The following BCL2L13 variants were observed in gnomAD, a reference collection of about 807,000 sequenced individuals.
The protein encoded by BCL2L13 is bcl-2-like protein 13.
A neutral mutation model predicts 25.8 loss-of-function variants in BCL2L13; 13 were observed. The observed-to-expected ratio is 0.50, with a 90% CI of 0.33 to 0.80. The LOEUF is 0.80. BCL2L13 is among the 30% of genes least tolerant of loss of function. BCL2L13 has a pLI of 0.02. For synonymous variants in BCL2L13, 244 were observed against 230.3 expected (o/e 1.06, Z -0.54); for missense variants, 504 against 574.9 (o/e 0.88, Z 1.26).
In BCL2L13 at chr22:17,730,435, TG is replaced by T. The variant is rs2061380597; in HGVS notation, c.*2903del. The T allele has an allele frequency of 6.6e-6, 1 of 152,322 alleles. No homozygotes were observed. Among genetic ancestry groups the T allele is most frequent in the African/African-American group, 2.4e-5 (1 of 41,562 alleles). 9.4% of individuals were successfully genotyped at this position (152,322 alleles called of 1,614,324 possible). ...GTCCTGGGGGAGTGAGCCGTGAACC[TG>T]GAGACATGGCTTTGACCCACAGCTA... On this transcript the variant is annotated 3_prime_UTR_variant, in exon 7 of 7. Transcript: ENST00000317582.
upstream of BCL2L13, chr22:17,638,738 G>A (rs1311912955): frequency 8.1e-7 from 1 of 1,231,616 alleles, no homozygotes; most frequent in Admixed American, 4.2e-5. Flanking sequence ...CCGTGACGAA[G>A]GCACGCCGGG....
At chr22:17,640,192 G>A (rs114512611) in intron 1 of BCL2L13, among the ~76,000 whole-genome samples, 2,912 of 152,152 alleles carry the variant, frequency 0.019, 87 homozygotes, top group African/African-American at 0.067. Flanking sequence ...ACCGCATGAA[G>A]TATTATTTTC....
chr22:17,683,642 TAAC>T (rs2059820253), intron 3 of BCL2L13, among the ~76,000 whole-genome samples: 1 of 152,110 alleles, frequency 6.6e-6, no homozygotes, highest in African/African-American at 2.4e-5. Context: ...TTATAAGTAA[TAAC>T]GACATAAAAA....
intron 2 of BCL2L13, among the ~76,000 whole-genome samples, chr22:17,682,086 A>G (rs2059773415): frequency 6.6e-6 from 1 of 152,222 alleles, no homozygotes; most frequent in African/African-American, 2.4e-5. Flanking sequence ...TGGACTGTCA[A>G]ATGACAGAGG....
Position 17,727,013 on chromosome 22 carries a change from G to C in BCL2L13, c.937G>C (p.Glu313Gln). ...TTCTGACATTGTGCACGTGGAGAAA[G>C]AAGAGGTGCCCGAGGGCATGGAAGA... is the stretch of plus-strand genomic sequence containing the variant. The part of the protein sequence containing the change: ...SNSDIVHVEK[E>Q]EVPEGMEEAA... Residue 313 changes from glutamate to glutamine, a missense_variant, in exon 7 of 7, where the codon GAA becomes CAA. Transcript: ENST00000317582. The C allele has an allele frequency of 6.2e-7, 1 of 1,614,212 alleles. No homozygotes were observed.
rs1166672184 is a variant in BCL2L13 at position 17,663,804 on chromosome 22, A to G, written c.121+7972A>G. 3.6e-5 allele frequency among the ~76,000 whole-genome samples: 5 copies of G among 138,748 alleles called. No homozygotes were observed. The East Asian group carries it at 1.0e-3, about 29-fold the overall frequency. 91.0% of individuals were successfully genotyped at this position (138,748 alleles called of 152,430 possible). A position where few individuals can be genotyped will look rare whatever the true frequency, so the allele number is the denominator to read the frequency against. ...CTAGTTCAAGCGATTCTCCTGCCTC[A>G]GCCTCCTGAGTAGCTGGGATTACAG... On this transcript the variant is annotated intron_variant, in intron 2 of 6. Transcript: ENST00000317582.
chr22:17,654,381 G>T (rs2058782867), intron 1 of BCL2L13, among the ~76,000 whole-genome samples: 1 of 151,216 alleles, frequency 6.6e-6, no homozygotes, highest in African/African-American at 2.4e-5. Flanking sequence ...GGGATTATGG[G>T]TATGAGCCAG....
chr22:17,677,711 A>G (rs2059614674), intron 2 of BCL2L13, among the ~76,000 whole-genome samples: 1 of 152,144 alleles, frequency 6.6e-6, no homozygotes, highest in Non-Finnish European at 1.5e-5. Flanking sequence ...GTCTCTACCA[A>G]AAATACAAAA....
intron 1 of BCL2L13, among the ~76,000 whole-genome samples, chr22:17,629,818 T>TAC (rs3044578): frequency 0.15 from 22,885 of 147,990 alleles, 1,903 homozygotes; most frequent in Non-Finnish European, 0.19. Context: ...TTTATTTTCA[T>TAC]ACACACACAC....
At chr22:17,724,726 A>G (rs1175385487) in intron 6 of BCL2L13, among the ~76,000 whole-genome samples, 1 of 152,248 alleles carries the variant, frequency 6.6e-6, no homozygotes, top group Non-Finnish European at 1.5e-5. Context: ...ATGAAGTAGA[A>G]ATTAATTTGC....
At chr22:17,661,020 C>G (rs900326560) in intron 2 of BCL2L13, among the ~76,000 whole-genome samples, 2 of 145,674 alleles carry the variant, frequency 1.4e-5, no homozygotes, top group African/African-American at 4.9e-5. Flanking sequence ...CTCAGGCAAT[C>G]TGCCTGCTTT....
At chr22:17,700,062 C>T (rs1351037996) in intron 5 of BCL2L13, among the ~76,000 whole-genome samples, 4 of 151,936 alleles carry the variant, frequency 2.6e-5, no homozygotes, top group Admixed American at 1.3e-4. Flanking sequence ...GCATGTACCA[C>T]CAAGAAGCGT....
Position 17,689,161 on chromosome 22 carries a change from T to G in BCL2L13, c.386+19T>G. The G allele has an allele frequency of 6.2e-7, 1 of 1,611,430 alleles. No homozygotes were observed. Among genetic ancestry groups the G allele is most frequent in the Non-Finnish European group, 8.5e-7 (1 of 1,178,574 alleles). On this transcript the variant is annotated intron_variant, in intron 4 of 6. Coordinates refer to ENST00000317582, the MANE Select transcript of BCL2L13 (RefSeq NM_015367.4). Reference sequence around the variant, plus strand: ...TGAGCCAGTGAGTTACACTGCTGAGTGGGATGTGCTTCTTTAAGTAGTCTC... The same window carrying G: ...TGAGCCAGTGAGTTACACTGCTGAGGGGGATGTGCTTCTTTAAGTAGTCTC...
At chr22:17,706,208 C>T (rs2060585948) in intron 6 of BCL2L13, among the ~76,000 whole-genome samples, 1 of 152,072 alleles carries the variant, frequency 6.6e-6, no homozygotes. Flanking sequence ...AGAGGTTTCA[C>T]TATGTTGCCC....
intron 1 of BCL2L13, among the ~76,000 whole-genome samples, chr22:17,633,083 T>C (rs1430524993): frequency 6.6e-6 from 1 of 152,116 alleles, no homozygotes; most frequent in Non-Finnish European, 1.5e-5. Context: ...TTTGAGACAT[T>C]AGAAAATACA....
rs745514678 is a variant in BCL2L13 at position 17,727,483 on chromosome 22, T to A, written c.1407T>A (p.Val469=). Residue 469 remains valine, a synonymous_variant, in exon 7 of 7, where the codon GTT becomes GTA. Coordinates refer to ENST00000317582, the MANE Select transcript of BCL2L13 (RefSeq NM_015367.4). ...SILLFGGAAA[V]AILAVAIGVA... ...TGCTGTTTGGAGGGGCTGCTGCTGT[T>A]GCCATCCTGGCAGTGGCCATCGGGG... The A allele has an allele frequency of 1.9e-6, 3 of 1,614,276 alleles. No homozygotes were observed. In the East Asian group the frequency reaches 6.7e-5, roughly 36 times the overall value.
chr22:17,664,140 C>T (rs891984653), intron 2 of BCL2L13, among the ~76,000 whole-genome samples: 7 of 151,740 alleles, frequency 4.6e-5, no homozygotes, highest in Middle Eastern at 3.4e-3. Flanking sequence ...TGAGCCACCG[C>T]GCCCAGCCAT....
rs1246226452 is a variant in BCL2L13, at chr22:17,631,690, A to G, written c.-650+2685A>G. 1.4e-3 allele frequency among the ~76,000 whole-genome samples: 76 copies of G among 53,872 alleles called. 5 individuals carry two copies. In the Admixed American group the frequency reaches 0.018, roughly 13 times the overall value. The allele number at this position is 53,872 out of a possible 152,430, so 35.3% of individuals were successfully genotyped here. ...TGTGTGTATATATATATATATATAT[A>G]TATATATATATATATATTTTTTTTT... On this transcript the variant is annotated intron_variant, in intron 1 of 6. Transcript: ENST00000399782.
chr22:17,696,594 T>C (rs1218281046), intron 5 of BCL2L13, among the ~76,000 whole-genome samples: 2 of 152,210 alleles, frequency 1.3e-5, no homozygotes, highest in Non-Finnish European at 2.9e-5. Flanking sequence ...AATAATACCA[T>C]TTATGTTTTA....
Sources: allele counts gnomAD v4.1 joint callset (sites outside exome capture counted in the v4.1 genomes callset), GRCh38; gene constraint gnomAD v4.1.1; transcripts MANE v1.5; gene names NCBI Gene and HGNC (gene_info 2026-07-23, HGNC 2026-07-21).